Variants in RIMS2 observed in about 807,000 individuals in gnomAD.
RIMS2 encodes the protein regulating synaptic membrane exocytosis 2.
In RIMS2, 59 loss-of-function variants were observed where a neutral mutation model predicts 174.4. That is an observed-to-expected ratio of 0.34 (90% CI 0.27 to 0.42). RIMS2 has a LOEUF of 0.42. RIMS2 is among the 10% of genes least tolerant of loss of function. The probability of loss-of-function intolerance (pLI) is 1.00; values close to 1 mark genes in which losing one functional copy is unlikely to be tolerated. For missense variants in RIMS2, 1,620 were observed against 1,666.3 expected (o/e 0.97, Z 0.48); for synonymous variants, 606 against 572.5 (o/e 1.06, Z -0.84).
At chr8:103,911,975 C>T (rs2075759860) in intron 5 of RIMS2, 78 bp from the exon 9 acceptor site, 2 of 1,127,038 alleles carry the variant, frequency 1.8e-6, no homozygotes, top group Non-Finnish European at 2.5e-6. Context: ...AATCAGAGAT[C>T]ATTTGTCATA....
chr8:103,692,706 G>A (rs1313664226), intron 1 of RIMS2, among the ~76,000 whole-genome samples: 1 of 152,202 alleles, frequency 6.6e-6, no homozygotes, highest in Non-Finnish European at 1.5e-5. Context: ...GGCCTGGAAT[G>A]GGGGCCTCAC....
At chr8:103,844,519 T>C (rs1053897098) in intron 3 of RIMS2, among the ~76,000 whole-genome samples, 1 of 152,180 alleles carries the variant, frequency 6.6e-6, no homozygotes, top group Non-Finnish European at 1.5e-5. Context: ...AGTCTTAGTT[T>C]TCAAGTCCTC....
At chr8:103,789,879 A>G (rs538247640) in intron 3 of RIMS2, among the ~76,000 whole-genome samples, 1 of 151,710 alleles carries the variant, frequency 6.6e-6, no homozygotes, top group Non-Finnish European at 1.5e-5. Flanking sequence ...CAGCGTCCCA[A>G]ATAGCTGGGA....
chr8:104,175,808 C>T lies in RIMS2; in HGVS notation c.3335-69108C>T, dbSNP rs181135047. Among the ~76,000 whole-genome samples, 189 of 152,268 alleles carry T rather than the reference C, an allele frequency of 1.2e-3. 1 individual carries two copies. The highest frequency in any genetic ancestry group is 4.1e-3 in the African/African-American group (170 of 41,572). ...TAAAAATTGAAGAAGCATCACCAAACGGGCCCAGTAATCTCTAAAGATGCA... is the reference window on the plus strand; with the variant it reads ...TAAAAATTGAAGAAGCATCACCAAATGGGCCCAGTAATCTCTAAAGATGCA... On this transcript the variant is annotated intron_variant, in intron 19 of 23. Transcript: ENST00000504942.
intron 3 of RIMS2, among the ~76,000 whole-genome samples, chr8:103,858,874 G>A (rs1385778004): frequency 6.6e-6 from 1 of 151,646 alleles, no homozygotes; most frequent in Admixed American, 6.6e-5. Flanking sequence ...ACAAAGAAGG[G>A]GAAATAGAAG....
intron 11 of RIMS2, among the ~76,000 whole-genome samples, chr8:103,930,384 C>A (rs1237248158): frequency 1.3e-5 from 2 of 151,996 alleles, no homozygotes; most frequent in Non-Finnish European, 2.9e-5. Context: ...AAATTTCTGT[C>A]CATTTCAGTC....
Position 104,173,668 on chromosome 8 carries a change from G to A in RIMS2, c.3335-71248G>A, listed in dbSNP as rs1306391171. On this transcript the variant is annotated intron_variant, in intron 19 of 23. Coordinates refer to ENST00000504942, the Ensembl canonical transcript of RIMS2. Reference sequence around the variant, plus strand: ...TTTTGAGATGGAGTCTCGCTCTGTCGCCCAGGCTGGAGTGCAGTGGTGCGA... The same window carrying A: ...TTTTGAGATGGAGTCTCGCTCTGTCACCCAGGCTGGAGTGCAGTGGTGCGA... Among the ~76,000 whole-genome samples the A allele has an allele frequency of 1.1e-4, 12 of 107,826 alleles. No individual in the cohort carries two copies. The Admixed American group carries it at 1.3e-3, about 11-fold the overall frequency. The allele number at this position is 107,826 out of a possible 152,430, so 70.7% of individuals were successfully genotyped here. A position where few individuals can be genotyped will look rare whatever the true frequency, so the allele number is the denominator to read the frequency against.
chr8:103,615,580 A>G (rs1414006888), intron 1 of RIMS2, among the ~76,000 whole-genome samples: 1 of 152,198 alleles, frequency 6.6e-6, no homozygotes, highest in Admixed American at 6.5e-5. Context: ...TCAAAAGATC[A>G]ACAAATTCAG....
intron 5 of RIMS2, among the ~76,000 whole-genome samples, chr8:103,911,387 A>T (rs1453291405): frequency 6.6e-6 from 1 of 152,168 alleles, no homozygotes; most frequent in African/African-American, 2.4e-5. Context: ...TACTAAATAG[A>T]TCAAAGACCT....
chr8:103,790,255 T>C (rs2098484497), intron 3 of RIMS2, among the ~76,000 whole-genome samples: 1 of 152,216 alleles, frequency 6.6e-6, no homozygotes, highest in Admixed American at 6.5e-5. Flanking sequence ...AGCAGTCACT[T>C]GTCATTCTTC....
chr8:103,753,267 G>A (rs142303352), intron 2 of RIMS2, among the ~76,000 whole-genome samples: 4,532 of 152,228 alleles, frequency 0.03, 72 homozygotes, highest in African/African-American at 0.046. Flanking sequence ...AACCAGCCTC[G>A]CATCCCAGGG....
At position 104,071,441 on chromosome 8, in the gene RIMS2, T is replaced by C. The variant is rs182834153; in HGVS notation, c.3334+56826T>C. Among the ~76,000 whole-genome samples the C allele has an allele frequency of 3.1e-3, 470 of 151,848 alleles. 6 individuals are homozygous for C. The highest frequency in any genetic ancestry group is 0.011 in the African/African-American group (456 of 41,392). On this transcript the variant is annotated intron_variant, in intron 19 of 23. Transcript: ENST00000504942. ...GAGTTGGGGTCCCTGTGGTGTTTGT[T>C]TGTTTGTTTTTGAGACAGAGTCTTG... is the stretch of plus-strand genomic sequence containing the variant.
intron 3 of RIMS2, among the ~76,000 whole-genome samples, chr8:103,876,862 T>TTTTA (rs1482968253): frequency 2.3e-5 from 1 of 44,358 alleles, no homozygotes; most frequent in Non-Finnish European, 4.6e-5. Context: ...ACACACACTA[T>TTTTA]TTTATATATA....
chr8:103,697,827 C>A (rs914454683), intron 2 of RIMS2, among the ~76,000 whole-genome samples: 1 of 152,118 alleles, frequency 6.6e-6, no homozygotes. Flanking sequence ...GAGTTCGAGA[C>A]CAGCCTGGCC....
intron 19 of RIMS2, among the ~76,000 whole-genome samples, chr8:104,020,597 G>A (rs2096062890): frequency 6.6e-6 from 1 of 151,938 alleles, no homozygotes; most frequent in Non-Finnish European, 1.5e-5. Flanking sequence ...TGTTGATCAT[G>A]TTAAGGGAAA....
chr8:104,141,327 G>T (rs1228789816), intron 19 of RIMS2, among the ~76,000 whole-genome samples: 2 of 152,106 alleles, frequency 1.3e-5, no homozygotes, highest in East Asian at 1.9e-4. Context: ...TCAAGAGATA[G>T]TAAAGGTTCA....
At chr8:104,073,479 T>A (rs1253965655) in intron 19 of RIMS2, among the ~76,000 whole-genome samples, 1 of 152,052 alleles carries the variant, frequency 6.6e-6, no homozygotes, top group East Asian at 1.9e-4. Context: ...TTTTAAGGAG[T>A]ATGTTGTGGC....
intron 1 of RIMS2, among the ~76,000 whole-genome samples, chr8:103,556,144 T>C (rs1850354977): frequency 6.6e-6 from 1 of 152,132 alleles, no homozygotes; most frequent in Non-Finnish European, 1.5e-5. Flanking sequence ...GTGACTATAG[T>C]TAATAACAGC....
intron 3 of RIMS2, among the ~76,000 whole-genome samples, chr8:103,790,574 G>A (rs773855290): frequency 6.6e-6 from 1 of 152,044 alleles, no homozygotes; most frequent in Non-Finnish European, 1.5e-5. Context: ...AACTTTTTGT[G>A]TGGACATATG....
Sources: gnomAD v4.1 joint callset for allele counts (sites outside exome capture counted in the v4.1 genomes callset) on GRCh38, gnomAD v4.1.1 for gene constraint, MANE v1.5 for transcripts, NCBI Gene and HGNC (gene_info 2026-07-23, HGNC 2026-07-21) for gene names.